The following CUL1 variants were observed in gnomAD, a reference collection of about 807,000 sequenced individuals.
CUL1 encodes cullin-1.
CUL1 carries 24 observed loss-of-function variants against 118.0 expected under a neutral mutation model. The observed-to-expected ratio is 0.20, with a 90% CI of 0.15 to 0.29. The LOEUF (loss-of-function observed/expected upper bound fraction) is 0.29. Among genes scored for constraint, CUL1 ranks in the 10% least tolerant of loss-of-function variants. The pLI is 1.00. For missense variants in CUL1, 361 were observed against 933.8 expected, an observed-to-expected ratio of 0.39 and a Z score of 7.99; for synonymous variants, 332 against 340.4, an observed-to-expected ratio of 0.98 and a Z score of 0.27.
chr7:148,739,730 G>A (rs1318396652), intron 2 of CUL1, among the ~76,000 whole-genome samples: 6 of 152,088 alleles, frequency 3.9e-5, no homozygotes, highest in Non-Finnish European at 5.9e-5. Context: ...TGTTTACTTT[G>A]GGGAAACCTA....
intron 1 of CUL1, among the ~76,000 whole-genome samples, chr7:148,707,399 TA>T (rs1027797499): frequency 1.0e-3 from 155 of 152,328 alleles, no homozygotes; most frequent in African/African-American, 3.5e-3. Flanking sequence ...GGAATTATAT[TA>T]AAAAAATTTT....
chr7:148,768,207 G>C (rs1800069441), intron 9 of CUL1, among the ~76,000 whole-genome samples: 1 of 151,878 alleles, frequency 6.6e-6, no homozygotes, highest in Non-Finnish European at 1.5e-5. Flanking sequence ...GCTTCCCCAG[G>C]GCTACATAGA....
Position 148,744,578 on chromosome 7 carries a change from C to T in CUL1, c.141-9398C>T, listed in dbSNP as rs557932248. On this transcript the variant is annotated intron_variant, in intron 2 of 21. Coordinates refer to ENST00000325222, the MANE Select transcript of CUL1 (RefSeq NM_003592.3). The stretch of plus-strand genomic sequence containing the variant: ...GTATAGTTCCATTTACTACTCGTAT[C>T]GCTCTCCTTTATATTACCTCTACAT... Among the ~76,000 whole-genome samples the T allele has an allele frequency of 4.6e-5, 7 of 152,140 alleles. 1 individual carries two copies. The highest frequency in any genetic ancestry group is 4.1e-4 in the South Asian group (2 of 4,820).
chr7:148,741,816 C>G (rs1203733571), intron 2 of CUL1, among the ~76,000 whole-genome samples: 1 of 152,238 alleles, frequency 6.6e-6, no homozygotes, highest in East Asian at 1.9e-4. Flanking sequence ...TCAAGTGATT[C>G]TCCTGCCTCA....
Position 148,797,942 on chromosome 7 carries a change from G to T in CUL1, c.1953G>T (p.Leu651Phe), listed in dbSNP as rs1203503228. ...TAACAATTGTTTTCTTACAGGTCTT[G>T]GAAGATGAAAATGCAAATGTTGATG... ...QILLKSKLLV[L>F]EDENANVDEV... is the part of the protein sequence containing the mutation. Residue 651 changes from leucine to phenylalanine, a missense_variant, in exon 19 of 22, where the codon TTG becomes TTT. Transcript: ENST00000325222. 6.2e-7 allele frequency: 1 copy of T among 1,612,580 alleles called. No individual in the cohort carries two copies. Among genetic ancestry groups the T allele is most frequent in the South Asian group, 1.1e-5 (1 of 90,992 alleles).
rs547431794 is a variant in CUL1, at chr7:148,775,208, C to T, written c.1083+7459C>T. On this transcript the variant is annotated intron_variant, in intron 9 of 21. Coordinates refer to ENST00000325222, the MANE Select transcript of CUL1 (RefSeq NM_003592.3). ...CCCCTTTCTCTTCTGTAGTGAAGTG[C>T]GTGATTAAATAACTGAGTCTTGATG... Among the ~76,000 whole-genome samples, 30 of 152,266 alleles carry T rather than the reference C, an allele frequency of 2.0e-4. 1 individual carries two copies. In the South Asian group the frequency reaches 6.0e-3, roughly 31 times the overall value.
chr7:148,699,566 G>GC (rs1291059992), intron 1 of CUL1, among the ~76,000 whole-genome samples: 3 of 152,280 alleles, frequency 2.0e-5, no homozygotes, highest in African/African-American at 7.2e-5. Flanking sequence ...CGCAGGAGCA[G>GC]CCGCGGAGCC....
At chr7:148,716,000 C>T (rs752048394) in intron 1 of CUL1, among the ~76,000 whole-genome samples, 1 of 152,098 alleles carries the variant, frequency 6.6e-6, no homozygotes, top group Non-Finnish European at 1.5e-5. Context: ...GATGATCATC[C>T]TGTAATCTAG....
intron 2 of CUL1, among the ~76,000 whole-genome samples, chr7:148,732,831 C>T (rs1010775035): frequency 5.3e-5 from 8 of 152,106 alleles, no homozygotes; most frequent in Admixed American, 3.9e-4. Context: ...AGGACTGCCT[C>T]TCAAATTGGG....
chr7:148,738,531 G>C lies in CUL1; in HGVS notation c.140+8269G>C, dbSNP rs184051266. ...TTACACCATTTCCCCACCTGCCTGC[G>C]GAGGAGGCCCCAGATACCTGCTTAC... is the stretch of plus-strand genomic sequence containing the variant. On this transcript the variant is annotated intron_variant, in intron 2 of 21. Transcript: ENST00000325222. Among the ~76,000 whole-genome samples the C allele has an allele frequency of 8.2e-3, 1,252 of 152,258 alleles. 7 individuals are homozygous for C. The highest frequency in any genetic ancestry group is 0.014 in the Non-Finnish European group (923 of 68,030).
Position 148,787,998 on chromosome 7 carries a change from C to T in CUL1, c.1480-559C>T, listed in dbSNP as rs1314536166. 1.3e-5 allele frequency among the ~76,000 whole-genome samples: 2 copies of T among 152,188 alleles called. No individual in the cohort carries two copies. The highest frequency in any genetic ancestry group is 2.9e-5 in the Non-Finnish European group (2 of 68,042). On this transcript the variant is annotated intron_variant, in intron 13 of 21. Coordinates refer to ENST00000325222, the MANE Select transcript of CUL1 (RefSeq NM_003592.3). This position sits in a 1 kb window ranked among gnomAD's most constrained non-coding sequence, Gnocchi z 5.5. ...CTCACAATTCTGGGGGCCACAAGTC[C>T]GAGATCAGGGTGCCAGCTGATTCGG...
intron 9 of CUL1, among the ~76,000 whole-genome samples, chr7:148,780,056 G>T (rs938643588): frequency 1.3e-5 from 2 of 152,198 alleles, no homozygotes; most frequent in African/African-American, 4.8e-5. Flanking sequence ...CCTCGAGCTT[G>T]CAGATAGCCT....
In CUL1 at chr7:148,711,927, C is replaced by T. The variant is rs79880923; in HGVS notation, c.-162+12898C>T. On this transcript the variant is annotated intron_variant, in intron 1 of 21. Coordinates refer to ENST00000325222, the MANE Select transcript of CUL1 (RefSeq NM_003592.3). ...TGTGGTTGACTAAGGGCATCCTTTA[C>T]GGAAGTGGACCTCACGTGCACACCT... 7.8e-3 allele frequency among the ~76,000 whole-genome samples: 1,195 copies of T among 152,316 alleles called. 26 individuals are homozygous for T. Among genetic ancestry groups the T allele is most frequent in the Admixed American group, 0.047 (712 of 15,296 alleles).
intron 2 of CUL1, among the ~76,000 whole-genome samples, chr7:148,738,365 C>T (rs1162866517): frequency 6.6e-6 from 1 of 152,132 alleles, no homozygotes; most frequent in Non-Finnish European, 1.5e-5. Flanking sequence ...CTGATAGGAC[C>T]CTTTCACAGT....
intron 1 of CUL1, among the ~76,000 whole-genome samples, chr7:148,715,372 G>A (rs748905976): frequency 6.6e-5 from 10 of 151,578 alleles, no homozygotes; most frequent in Non-Finnish European, 1.5e-4. Flanking sequence ...TCAGAGCTAT[G>A]TTCTTGAAGG....
At chr7:148,700,137 G>C (rs1293064792) in intron 1 of CUL1, among the ~76,000 whole-genome samples, 1 of 152,184 alleles carries the variant, frequency 6.6e-6, no homozygotes, top group Non-Finnish European at 1.5e-5. Context: ...AGTGGTAAGT[G>C]CGCAAATACT....
intron 8 of CUL1, among the ~76,000 whole-genome samples, chr7:148,766,973 T>A (rs534288290): frequency 6.6e-6 from 1 of 152,148 alleles, no homozygotes. Flanking sequence ...CTACCCCAAG[T>A]TTTTTCTTGA....
chr7:148,742,273 G>C (rs243500), intron 2 of CUL1, among the ~76,000 whole-genome samples: 81,039 of 151,988 alleles, frequency 0.53, 22,823 homozygotes, highest in African/African-American at 0.71. Context: ...AACGGACTCA[G>C]AGTTCCACGT....
chr7:148,781,798 G>A (rs968152606), intron 9 of CUL1, among the ~76,000 whole-genome samples: 7 of 152,140 alleles, frequency 4.6e-5, no homozygotes, highest in African/African-American at 1.7e-4. Flanking sequence ...GGTGGGCAAG[G>A]CCTTCTAAGT....
Sources: allele counts gnomAD v4.1 joint callset (sites outside exome capture counted in the v4.1 genomes callset), GRCh38; gene constraint gnomAD v4.1.1; non-coding constraint Gnocchi (gnomAD v3.1); transcripts MANE v1.5; gene names NCBI Gene and HGNC (gene_info 2026-07-23, HGNC 2026-07-21).